Variants in SIPA1L3 observed in about 807,000 individuals in gnomAD.
The protein encoded by SIPA1L3 is signal-induced proliferation-associated 1-like protein 3.
In SIPA1L3, 59 loss-of-function variants were observed where a neutral mutation model predicts 150.1. The observed-to-expected ratio is 0.39, with a 90% CI of 0.32 to 0.49. The LOEUF (loss-of-function observed/expected upper bound fraction) is 0.49, where lower values mean the gene tolerates loss of function less well. Ranked by LOEUF, SIPA1L3 falls within the 20% of genes least tolerant of loss-of-function variation. The pLI is 0.86. For synonymous variants in SIPA1L3, 1,070 were observed against 1,077.6 expected (o/e 0.99, Z 0.14); for missense variants, 2,211 against 2,489.5 (o/e 0.89, Z 2.38).
In SIPA1L3 at chr19:38,082,207, C is replaced by T. The variant is rs1056881865; in HGVS notation, c.642C>T (p.Pro214=). The change falls in exon 3 of 22, where the codon CCC becomes CCT. Residue 214 remains proline, a synonymous_variant. Coordinates refer to ENST00000222345, the MANE Select transcript of SIPA1L3 (RefSeq NM_015073.3). The part of the protein sequence containing the change: ...STSSIDVQGM[P]EQSFFDILNE... ...CGTCCATCGACGTGCAGGGCATGCCCGAGCAGAGCTTCTTCGACATCCTGA... is the reference window on the plus strand; with the variant it reads ...CGTCCATCGACGTGCAGGGCATGCCTGAGCAGAGCTTCTTCGACATCCTGA... 2 of 1,603,114 alleles carry T rather than the reference C, an allele frequency of 1.2e-6. No homozygotes were observed. Among genetic ancestry groups the T allele is most frequent in the African/African-American group, 1.3e-5 (1 of 74,996 alleles).
chr19:37,943,295 A>G (rs1258321568), intron 1 of SIPA1L3, among the ~76,000 whole-genome samples: 1 of 152,092 alleles, frequency 6.6e-6, no homozygotes, highest in Non-Finnish European at 1.5e-5. Flanking sequence ...TCCTTGTCAC[A>G]TAGGCTGTTG....
At chr19:37,959,631 G>A (rs1429170605) in intron 1 of SIPA1L3, among the ~76,000 whole-genome samples, 1 of 152,148 alleles carries the variant, frequency 6.6e-6, no homozygotes. Context: ...CTTTTAAAGG[G>A]TAAATTTCAT....
intron 1 of SIPA1L3, among the ~76,000 whole-genome samples, chr19:38,022,066 T>G (rs1968383395): frequency 6.6e-6 from 1 of 152,234 alleles, no homozygotes; most frequent in Non-Finnish European, 1.5e-5. Context: ...TCTTCACTGT[T>G]GCATTTAGTA....
At chr19:37,918,028 G>T (rs2046427496) in intron 1 of SIPA1L3, among the ~76,000 whole-genome samples, 1 of 151,790 alleles carries the variant, frequency 6.6e-6, no homozygotes, top group African/African-American at 2.4e-5. Flanking sequence ...GTCCCAGTTT[G>T]TCAGCATTAA....
intron 2 of SIPA1L3, among the ~76,000 whole-genome samples, chr19:38,063,664 C>T (rs10421944): frequency 0.42 from 63,637 of 151,902 alleles, 13,727 homozygotes; most frequent in East Asian, 0.65. Context: ...TGGAGGAGGG[C>T]GCGTACTAAG....
rs564459770 is a variant in SIPA1L3, at chr19:38,118,735, T to C, written c.2292-571T>C. On this transcript the variant is annotated intron_variant, in intron 8 of 21. Transcript: ENST00000222345. ...TTTTAGTACAGACGGGGCTTTACCATATTGGTCAGGCTGGTCTCGAACTCC... is the reference window on the plus strand; with the variant it reads ...TTTTAGTACAGACGGGGCTTTACCACATTGGTCAGGCTGGTCTCGAACTCC... 1.2e-4 allele frequency among the ~76,000 whole-genome samples: 18 copies of C among 151,894 alleles called. No individual in the cohort carries two copies. In the South Asian group the frequency reaches 3.4e-3, roughly 28 times the overall value.
At position 38,089,089 on chromosome 19, in the gene SIPA1L3, G is replaced by A. The variant is rs534059987; in HGVS notation, c.1665+238G>A. Among the ~76,000 whole-genome samples, 5 of 152,162 alleles carry A rather than the reference G, an allele frequency of 3.3e-5. No homozygotes were observed. In the South Asian group the frequency reaches 6.2e-4, roughly 19 times the overall value. On this transcript the variant is annotated intron_variant, in intron 4 of 21. Transcript: ENST00000222345. ...TAATCCCAGCACTTTGGGAAGCTTG[G>A]CGGGTGGCTCACTTGAGATCAAGAG...
At chr19:37,932,103 CTG>C (rs1350366564) in intron 1 of SIPA1L3, among the ~76,000 whole-genome samples, 5 of 152,334 alleles carry the variant, frequency 3.3e-5, no homozygotes, top group Admixed American at 6.5e-5. Flanking sequence ...TGCATTGCCT[CTG>C]TGAGCTAGTG....
intron 1 of SIPA1L3, among the ~76,000 whole-genome samples, chr19:37,912,001 G>A (rs922779631): frequency 3.9e-5 from 6 of 151,942 alleles, no homozygotes; most frequent in African/African-American, 1.4e-4. Flanking sequence ...GAACCTGGGA[G>A]GCAGAGCTTG....
intron 2 of SIPA1L3, among the ~76,000 whole-genome samples, chr19:38,073,954 A>G (rs998920828): frequency 3.9e-5 from 6 of 152,210 alleles, no homozygotes; most frequent in Admixed American, 3.3e-4. Context: ...AGCAGGTGGT[A>G]TTATACCCAT....
chr19:38,192,029 G>T, intron 16 of SIPA1L3, 116 bp from the exon 17 acceptor site: 1 of 913,058 alleles, frequency 1.1e-6, no homozygotes. Flanking sequence ...GCTGGGTGAA[G>T]GAGAGAAGGC....
chr19:38,145,305 G>A (rs988430101), intron 12 of SIPA1L3, among the ~76,000 whole-genome samples: 3 of 152,096 alleles, frequency 2.0e-5, no homozygotes, highest in Non-Finnish European at 4.4e-5. Flanking sequence ...GCCGAGATCG[G>A]TGGATCATCT....
At chr19:38,010,785 G>T (rs544764731) in intron 1 of SIPA1L3, among the ~76,000 whole-genome samples, 1 of 152,228 alleles carries the variant, frequency 6.6e-6, no homozygotes, top group African/African-American at 2.4e-5. Flanking sequence ...CACCTCTACT[G>T]TTACCCACTG....
intron 1 of SIPA1L3, among the ~76,000 whole-genome samples, chr19:37,954,568 A>G (rs574573298): frequency 2.3e-4 from 35 of 152,144 alleles, no homozygotes; most frequent in Non-Finnish European, 4.1e-4. Flanking sequence ...GGATCTGAAC[A>G]TTGCTTCCCT....
chr19:38,123,941 T>C (rs1971099692), intron 9 of SIPA1L3, among the ~76,000 whole-genome samples: 2 of 137,704 alleles, frequency 1.5e-5, no homozygotes, highest in South Asian at 2.4e-4. Context: ...GCCCCTCACC[T>C]CCCGGACGGG....
At position 38,193,620 on chromosome 19, in the gene SIPA1L3, C is replaced by T. The variant is rs777843710; in HGVS notation, c.4680C>T (p.Pro1560=). 25 of 1,572,382 alleles carry T rather than the reference C, an allele frequency of 1.6e-5. No homozygotes were observed. Among genetic ancestry groups the T allele is most frequent in the Middle Eastern group, 1.8e-4 (1 of 5,714 alleles). ...GCCGGGAGCCCAGCTTCGCCAGCCC[C>T]GCTGGCCTAGAGCCAGGGCTGCCCA... is the stretch of plus-strand genomic sequence containing the variant. ...SGRREPSFAS[P]AGLEPGLPSD... is the part of the protein sequence containing the mutation. The change falls in exon 18 of 22, where the codon CCC becomes CCT. Residue 1560 remains proline (P), a synonymous_variant. Transcript: ENST00000222345.
At chr19:38,050,206 AAC>A (rs765071376) in intron 2 of SIPA1L3, among the ~76,000 whole-genome samples, 1 of 152,236 alleles carries the variant, frequency 6.6e-6, no homozygotes, top group Non-Finnish European at 1.5e-5. Flanking sequence ...CTGTAATCCC[AAC>A]ACTTTGGGAG....
intron 2 of SIPA1L3, among the ~76,000 whole-genome samples, chr19:38,041,979 T>C (rs979824767): frequency 1.1e-4 from 16 of 152,372 alleles, no homozygotes; most frequent in African/African-American, 3.4e-4. Context: ...TTTGCAAATA[T>C]TGTTTCCCAG....
chr19:38,018,189 AGTCTTGCTCT>A (rs1442924216), intron 1 of SIPA1L3, among the ~76,000 whole-genome samples: 11 of 99,600 alleles, frequency 1.1e-4, no homozygotes, highest in Non-Finnish European at 1.6e-4. Flanking sequence ...TTTTAGGCAG[AGTCTTGCTCT>A]GTCACCCAGG....
Sources: gnomAD v4.1 joint callset for allele counts (sites outside exome capture counted in the v4.1 genomes callset) on GRCh38, gnomAD v4.1.1 for gene constraint, MANE v1.5 for transcripts, NCBI Gene and HGNC (gene_info 2026-07-23, HGNC 2026-07-21) for gene names.